RANBP2: variants seen among roughly 807,000 people sequenced by gnomAD.
The protein encoded by RANBP2 is RAN binding protein 2.
A neutral mutation model predicts 303.6 loss-of-function variants in RANBP2; 57 were observed. The observed-to-expected ratio is 0.19, with a 90% CI of 0.15 to 0.23. The LOEUF (loss-of-function observed/expected upper bound fraction) is 0.23, where lower values mean the gene tolerates loss of function less well. Among genes scored for constraint, RANBP2 ranks in the 10% least tolerant of loss-of-function variants. The pLI is 1.00. For missense variants in RANBP2, 3,138 were observed against 3,780.8 expected (o/e 0.83, Z 4.46); for synonymous variants, 1,167 against 1,301.5 (o/e 0.90, Z 2.23).
chr2:109,611,864 C>T, the RANBP2 span, among the ~76,000 whole-genome samples: 1 of 152,264 alleles, frequency 6.6e-6, no homozygotes, highest in African/African-American at 2.4e-5. Context: ...GAAACTGGAC[C>T]TCTCATACTT....
intron 15 of RANBP2, 38 bp downstream of exon 15, chr2:108,754,009 A>G (rs1202907104): frequency 1.2e-6 from 2 of 1,611,546 alleles, no homozygotes; most frequent in South Asian, 1.1e-5. Context: ...TCTTACTGAT[A>G]ACCCACTGGT....
At chr2:108,988,427 C>A in the RANBP2 span, among the ~76,000 whole-genome samples, 1 of 152,160 alleles carries the variant, frequency 6.6e-6, no homozygotes, top group African/African-American at 2.4e-5. Flanking sequence ...GGTACCCACT[C>A]CCCTCCTTCT....
chr2:108,752,539 G>A (rs1432689476), intron 12 of RANBP2, among the ~76,000 whole-genome samples: 7 of 150,140 alleles, frequency 4.7e-5, no homozygotes, highest in African/African-American at 9.8e-5. Context: ...TTAGGAGGCC[G>A]AGGCGGGCAG....
chr2:109,010,813 A>G, the RANBP2 span, among the ~76,000 whole-genome samples: 1 of 152,184 alleles, frequency 6.6e-6, no homozygotes, highest in African/African-American at 2.4e-5. Context: ...TTGTTTCCAT[A>G]GAGTTAAAAA....
chr2:108,996,803 G>T, the RANBP2 span, among the ~76,000 whole-genome samples: 1 of 152,112 alleles, frequency 6.6e-6, no homozygotes, highest in African/African-American at 2.4e-5. Flanking sequence ...GGGCTAGGTG[G>T]CTTTTCCAGA....
At chr2:109,095,394 G>T in the RANBP2 span, among the ~76,000 whole-genome samples, 14 of 152,136 alleles carry the variant, frequency 9.2e-5, no homozygotes, top group African/African-American at 3.1e-4. Context: ...TTACAAGAAG[G>T]CATGGGAATA....
At chr2:109,055,961 T>C in the RANBP2 span, among the ~76,000 whole-genome samples, 1 of 151,730 alleles carries the variant, frequency 6.6e-6, no homozygotes, top group Admixed American at 6.6e-5. Flanking sequence ...GGTTTCACCA[T>C]CTTGGCCAGG....
the RANBP2 span, among the ~76,000 whole-genome samples, chr2:109,455,920 G>A: frequency 6.6e-6 from 1 of 152,214 alleles, no homozygotes; most frequent in Admixed American, 6.5e-5. Context: ...TGGCATGAGA[G>A]GTAGAAGGGG....
the RANBP2 span, among the ~76,000 whole-genome samples, chr2:109,184,228 GT>G: frequency 1.3e-5 from 2 of 152,190 alleles, no homozygotes; most frequent in Non-Finnish European, 2.9e-5. Context: ...TCCCTTGGGA[GT>G]TCTGGGAGCT....
chr2:109,646,987 A>C, the RANBP2 span, among the ~76,000 whole-genome samples: 1 of 152,064 alleles, frequency 6.6e-6, no homozygotes, highest in East Asian at 1.9e-4. Flanking sequence ...TCAATGTTCT[A>C]TGGAAGTTTT....
chr2:109,340,762 T>C, the RANBP2 span, among the ~76,000 whole-genome samples: 8 of 152,320 alleles, frequency 5.3e-5, no homozygotes, highest in African/African-American at 1.9e-4. Context: ...AGGGCAGATT[T>C]GATTATCTCT....
At chr2:109,284,117 C>G in the RANBP2 span, among the ~76,000 whole-genome samples, 35 of 152,260 alleles carry the variant, frequency 2.3e-4, no homozygotes, top group African/African-American at 7.9e-4. Flanking sequence ...AGACCTTGAA[C>G]GAACACATCC....
intron 1 of RANBP2, among the ~76,000 whole-genome samples, chr2:108,721,331 A>G (rs13419877): frequency 6.6e-5 from 10 of 152,220 alleles, no homozygotes; most frequent in Admixed American, 2.0e-4. Context: ...CTACTTGTAC[A>G]TTGTAATTTC....
the RANBP2 span, among the ~76,000 whole-genome samples, chr2:109,078,721 G>A: frequency 1.3e-3 from 183 of 144,850 alleles, 12 homozygotes; most frequent in Non-Finnish European, 2.0e-3. Flanking sequence ...GTTGGTGCGC[G>A]CCTGTAATCC....
chr2:109,108,726 G>C, the RANBP2 span, among the ~76,000 whole-genome samples: 1 of 152,234 alleles, frequency 6.6e-6, no homozygotes, highest in Admixed American at 6.5e-5. Flanking sequence ...AGAGCACATA[G>C]GGCGAGAGTG....
chr2:108,742,553 C>A (rs1201958050), intron 7 of RANBP2, among the ~76,000 whole-genome samples: 1 of 151,970 alleles, frequency 6.6e-6, no homozygotes. Flanking sequence ...ATCCACCCGA[C>A]TTGGCCTCTC....
chr2:108,971,520 TC>T, the RANBP2 span, among the ~76,000 whole-genome samples: 1 of 151,698 alleles, frequency 6.6e-6, no homozygotes, highest in Non-Finnish European at 1.5e-5. Flanking sequence ...TTTTTGAAAC[TC>T]CCCAGGCATT....
the RANBP2 span, among the ~76,000 whole-genome samples, chr2:109,557,018 T>C: frequency 6.6e-6 from 1 of 151,884 alleles, no homozygotes; most frequent in South Asian, 2.1e-4. Flanking sequence ...CCGGAGCCTG[T>C]TGTGGGGTGG....
the RANBP2 span, among the ~76,000 whole-genome samples, chr2:109,635,381 C>T: frequency 6.6e-6 from 1 of 152,302 alleles, no homozygotes; most frequent in East Asian, 1.9e-4. Context: ...CAGGGTTTCA[C>T]AATGTTGGCC....
Sources: allele counts gnomAD v4.1 joint callset (sites outside exome capture counted in the v4.1 genomes callset), GRCh38; gene constraint gnomAD v4.1.1; transcripts MANE v1.5; gene names NCBI Gene and HGNC (gene_info 2026-07-23, HGNC 2026-07-21).